Variants in HDAC9 observed in about 807,000 individuals in gnomAD.
The protein encoded by HDAC9 is histone deacetylase 9.
In HDAC9, 41 loss-of-function variants were observed where a neutral mutation model predicts 139.4. The ratio of observed to expected loss-of-function variants is 0.29; its 90% CI spans 0.23 to 0.38. The LOEUF is 0.38. Ranked by LOEUF, HDAC9 falls within the 10% of genes least tolerant of loss-of-function variation. HDAC9 has a pLI of 1.00. For synonymous variants in HDAC9, 517 were observed against 476.2 expected (o/e 1.09, Z -1.12); for missense variants, 1,147 against 1,297.0 (o/e 0.88, Z 1.78).
intron 1 of HDAC9, among the ~76,000 whole-genome samples, chr7:18,426,472 A>G (rs985498003): frequency 6.6e-6 from 1 of 152,228 alleles, no homozygotes; most frequent in Non-Finnish European, 1.5e-5. Flanking sequence ...TTACAATTGA[A>G]TTGGCGCAAA....
chr7:18,424,559 A>T (rs544203110), intron 1 of HDAC9, among the ~76,000 whole-genome samples: 1 of 152,344 alleles, frequency 6.6e-6, no homozygotes, highest in South Asian at 2.1e-4. Context: ...TTATGTGATT[A>T]TATGACTTTT....
chr7:18,374,507 C>A (rs1784841125), intron 1 of HDAC9, among the ~76,000 whole-genome samples: 1 of 151,980 alleles, frequency 6.6e-6, no homozygotes, highest in Non-Finnish European at 1.5e-5. Flanking sequence ...GTATGGCATA[C>A]TTCAGGCAAT....
At chr7:18,679,024 C>T (rs1327764435) in intron 12 of HDAC9, among the ~76,000 whole-genome samples, 2 of 151,764 alleles carry the variant, frequency 1.3e-5, no homozygotes, top group African/African-American at 2.4e-5. Flanking sequence ...AGCCTAGGAC[C>T]CTGGTGCAGG....
chr7:18,286,757 G>A (rs1421962332), upstream of HDAC9, among the ~76,000 whole-genome samples: 1 of 152,056 alleles, frequency 6.6e-6, no homozygotes, highest in East Asian at 1.9e-4. Flanking sequence ...TAGGAAAAAG[G>A]TAATTAAATT....
At chr7:18,446,352 T>C (rs1792291130) in intron 1 of HDAC9, among the ~76,000 whole-genome samples, 1 of 152,228 alleles carries the variant, frequency 6.6e-6, no homozygotes, top group Non-Finnish European at 1.5e-5. Flanking sequence ...TTGGTCACTG[T>C]TCTTTCTCAT....
chr7:18,535,073 TG>T (rs1810421078), intron 2 of HDAC9, among the ~76,000 whole-genome samples: 1 of 152,232 alleles, frequency 6.6e-6, no homozygotes, highest in Non-Finnish European at 1.5e-5. Context: ...TACTTCGGGT[TG>T]TGCTTTCTCC....
chr7:18,550,974 A>G (rs1053787721), intron 2 of HDAC9, among the ~76,000 whole-genome samples: 1 of 152,224 alleles, frequency 6.6e-6, no homozygotes, highest in African/African-American at 2.4e-5. Flanking sequence ...GGCTTATTCT[A>G]TACTCTTAGC....
intron 2 of HDAC9, among the ~76,000 whole-genome samples, chr7:18,256,250 A>G (rs1021250643): frequency 1.3e-5 from 2 of 152,210 alleles, no homozygotes; most frequent in African/African-American, 4.8e-5. Flanking sequence ...GACTACGTGG[A>G]AAGTGGGGTG....
At chr7:18,825,719 A>G (rs1052163814) in intron 17 of HDAC9, among the ~76,000 whole-genome samples, 8 of 148,810 alleles carry the variant, frequency 5.4e-5, no homozygotes, top group East Asian at 1.9e-4. Flanking sequence ...TAAATTATAA[A>G]AAATATATAT....
chr7:18,258,020 G>C (rs1795396252), intron 2 of HDAC9, among the ~76,000 whole-genome samples: 1 of 152,180 alleles, frequency 6.6e-6, no homozygotes, highest in African/African-American at 2.4e-5. Context: ...TCAAGGCACT[G>C]TTGAGAAGCA....
At chr7:18,087,404 T>A (rs1478985177) in intron 1 of HDAC9, among the ~76,000 whole-genome samples, 1 of 152,124 alleles carries the variant, frequency 6.6e-6, no homozygotes, top group Non-Finnish European at 1.5e-5. Context: ...TAAGGGAACC[T>A]TCGTCAGAAG....
At chr7:18,305,745 C>T (rs1798865185) in intron 1 of HDAC9, among the ~76,000 whole-genome samples, 1 of 138,184 alleles carries the variant, frequency 7.2e-6, no homozygotes, top group East Asian at 1.9e-4. Flanking sequence ...AAGACATATG[C>T]ATAGCACACC....
At chr7:18,596,656 A>G (rs1401809209) in intron 6 of HDAC9, among the ~76,000 whole-genome samples, 1 of 152,126 alleles carries the variant, frequency 6.6e-6, no homozygotes, top group Non-Finnish European at 1.5e-5. Flanking sequence ...GAAGAGTGTC[A>G]TTGATCATAG....
intron 24 of HDAC9, among the ~76,000 whole-genome samples, chr7:18,970,571 TTTATTTTTGCATTTAAACAA>T: frequency 6.6e-6 from 1 of 152,202 alleles, no homozygotes; most frequent in East Asian, 1.9e-4. Flanking sequence ...TCAATGTGTC[TTTATTTTTGCATTTAAACAA>T]TGTTTTGGAT....
intron 13 of HDAC9, among the ~76,000 whole-genome samples, chr7:18,735,857 T>A (rs1009018605): frequency 5.9e-5 from 9 of 152,280 alleles, no homozygotes; most frequent in Non-Finnish European, 1.0e-4. Context: ...TGGTTCTTCC[T>A]AACCATGAGC....
At chr7:18,452,482 C>T (rs1792963076) in intron 1 of HDAC9, among the ~76,000 whole-genome samples, 1 of 152,050 alleles carries the variant, frequency 6.6e-6, no homozygotes, top group Admixed American at 6.6e-5. Flanking sequence ...GTGGGAAGAC[C>T]TGCCATTTGC....
intron 13 of HDAC9, among the ~76,000 whole-genome samples, chr7:18,746,557 G>A (rs527413293): frequency 1.3e-5 from 2 of 152,268 alleles, no homozygotes; most frequent in East Asian, 3.9e-4. Context: ...GAAGATAAGG[G>A]ACATAAAATA....
At chr7:18,256,437 T>C (rs991437451) in intron 2 of HDAC9, among the ~76,000 whole-genome samples, 1 of 152,190 alleles carries the variant, frequency 6.6e-6, no homozygotes, top group Non-Finnish European at 1.5e-5. Flanking sequence ...GACCTCTAAC[T>C]CCAAAACTGA....
chr7:18,750,573 G>A (rs766338848), intron 14 of HDAC9, among the ~76,000 whole-genome samples: 5 of 152,074 alleles, frequency 3.3e-5, no homozygotes, highest in African/African-American at 7.3e-5. Context: ...CTCAGTGCAA[G>A]TCTATTACTC....
Sources: gnomAD v4.1 joint callset for allele counts (sites outside exome capture counted in the v4.1 genomes callset) on GRCh38, gnomAD v4.1.1 for gene constraint, MANE v1.5 for transcripts, NCBI Gene and HGNC (gene_info 2026-07-23, HGNC 2026-07-21) for gene names.